UNC13C: variants seen among roughly 807,000 people sequenced by gnomAD.
UNC13C encodes unc-13 homolog C, also known as protein unc-13 homolog C.
In UNC13C, 174 loss-of-function variants were observed where a neutral mutation model predicts 245.4. The ratio of observed to expected loss-of-function variants is 0.71; its 90% CI spans 0.63 to 0.80. UNC13C has a LOEUF of 0.80. Among genes scored for constraint, UNC13C ranks in the 30% least tolerant of loss-of-function variants. The pLI is 0.00. For synonymous variants in UNC13C, 992 were observed against 895.1 expected (o/e 1.11, Z -1.93); for missense variants, 2,829 against 2,602.9 (o/e 1.09, Z -1.89).
chr15:54,099,329 C>T (rs1462313076), intron 2 of UNC13C, among the ~76,000 whole-genome samples: 1 of 152,122 alleles, frequency 6.6e-6, no homozygotes, highest in African/African-American at 2.4e-5. Context: ...TAATTTTCCT[C>T]TGGCTCCAAG....
chr15:54,431,055 A>G (rs1165813861), intron 19 of UNC13C, among the ~76,000 whole-genome samples: 1 of 151,792 alleles, frequency 6.6e-6, no homozygotes, highest in Non-Finnish European at 1.5e-5. Context: ...AAACAAAGTA[A>G]TTTGTTAAGT....
In UNC13C at chr15:54,264,284, A is replaced by G; in HGVS notation, c.3565A>G (p.Ile1189Val). Residue 1189 changes from isoleucine to valine, a missense_variant, in exon 9 of 33, where the codon ATC (isoleucine) becomes GTC (valine). Physicochemically the swap from Ile to Val is conservative, Grantham distance 29. Transcript: ENST00000260323. ...EKNRPEVFEV[I>V]QEMFQISKED... ...AAACCGGCCAGAAGTATTTGAAGTA[A>G]TCCAGGAAATGTTTCAGATTTCTAA... is the stretch of plus-strand genomic sequence containing the variant. 6.2e-7 allele frequency: 1 copy of G among 1,600,538 alleles called. No individual in the cohort carries two copies. Among genetic ancestry groups the G allele is most frequent in the Non-Finnish European group, 8.5e-7 (1 of 1,172,888 alleles).
intron 1 of UNC13C, among the ~76,000 whole-genome samples, chr15:53,996,199 A>G (rs951742042): frequency 7.2e-5 from 11 of 152,176 alleles, no homozygotes; most frequent in Non-Finnish European, 1.3e-4. Flanking sequence ...CAGCAAACAT[A>G]CAGTACTGAA....
At chr15:54,155,784 A>G (rs1453464043) in intron 4 of UNC13C, among the ~76,000 whole-genome samples, 1 of 152,164 alleles carries the variant, frequency 6.6e-6, no homozygotes, top group Non-Finnish European at 1.5e-5. Flanking sequence ...GACTTTATGG[A>G]GAAGGTGGAA....
intron 4 of UNC13C, among the ~76,000 whole-genome samples, chr15:54,146,095 C>T (rs1466848908): frequency 1.3e-5 from 2 of 152,146 alleles, no homozygotes; most frequent in African/African-American, 4.8e-5. Flanking sequence ...GGTACGTTTA[C>T]ATATGAGCCT....
At chr15:54,106,644 C>T (rs548724096) in intron 2 of UNC13C, among the ~76,000 whole-genome samples, 2 of 152,160 alleles carry the variant, frequency 1.3e-5, no homozygotes, top group African/African-American at 4.8e-5. Flanking sequence ...GCCATCTCTT[C>T]TTATCATTTC....
intron 4 of UNC13C, among the ~76,000 whole-genome samples, chr15:54,166,541 A>G (rs1249788583): frequency 1.3e-5 from 2 of 152,128 alleles, no homozygotes; most frequent in Non-Finnish European, 1.5e-5. Context: ...AAAATGGCAC[A>G]AAGATTGGAA....
intron 1 of UNC13C, among the ~76,000 whole-genome samples, chr15:53,984,965 T>C (rs1432277515): frequency 1.3e-5 from 2 of 152,088 alleles, no homozygotes; most frequent in African/African-American, 2.4e-5. Flanking sequence ...CGACTTTCTT[T>C]TTTTTTACTC....
intron 1 of UNC13C, among the ~76,000 whole-genome samples, chr15:53,991,865 G>A (rs779292252): frequency 6.6e-6 from 1 of 151,882 alleles, no homozygotes; most frequent in Non-Finnish European, 1.5e-5. Context: ...TAGATGATAG[G>A]TATCACTGAG....
chr15:54,615,652 T>C (rs940376327), intron 30 of UNC13C, among the ~76,000 whole-genome samples: 3 of 152,098 alleles, frequency 2.0e-5, no homozygotes, highest in Admixed American at 1.3e-4. Context: ...AGATAATGAC[T>C]GTCTACATCT....
chr15:54,593,139 A>T (rs1295794503), intron 30 of UNC13C, among the ~76,000 whole-genome samples: 2 of 152,156 alleles, frequency 1.3e-5, no homozygotes, highest in African/African-American at 2.4e-5. Context: ...TAAGGGCCCA[A>T]TCCCTTTTAG....
At chr15:54,464,430 C>G (rs4776231) in intron 19 of UNC13C, among the ~76,000 whole-genome samples, 4 of 151,768 alleles carry the variant, frequency 2.6e-5, no homozygotes, top group African/African-American at 9.7e-5. Flanking sequence ...TGAAGCATTA[C>G]ATTTTTTTAT....
rs937344022 is a variant in UNC13C, at chr15:53,982,582, C to A, written c.-257+3655C>A. ...TTAAGTGGCACACAACTGAAAAAGT[C>A]TAAATAGTTGCTTTATTAATGAGAA... On this transcript the variant is annotated intron_variant, in intron 1 of 32. Coordinates refer to ENST00000260323, the MANE Select transcript of UNC13C (RefSeq NM_001080534.3). Among the ~76,000 whole-genome samples, 5 of 152,194 alleles carry A rather than the reference C, an allele frequency of 3.3e-5. No individual in the cohort carries two copies. The East Asian group carries it at 9.6e-4, about 29-fold the overall frequency.
chr15:54,145,028 G>A (rs754819894), intron 4 of UNC13C, among the ~76,000 whole-genome samples: 20 of 151,812 alleles, frequency 1.3e-4, no homozygotes, highest in Non-Finnish European at 2.6e-4. Context: ...CTGAGCTCAG[G>A]TGATCCACAC....
At chr15:53,862,783 T>G in the UNC13C span, among the ~76,000 whole-genome samples, 1 of 152,128 alleles carries the variant, frequency 6.6e-6, no homozygotes, top group South Asian at 2.1e-4. Context: ...TAAACCTAAT[T>G]GTCTCTCAAA....
At chr15:53,945,619 C>A in the UNC13C span, among the ~76,000 whole-genome samples, 559 of 152,144 alleles carry the variant, frequency 3.7e-3, 8 homozygotes, top group African/African-American at 0.013. Flanking sequence ...GTTTTTGTAC[C>A]AATACCATGC....
intron 19 of UNC13C, among the ~76,000 whole-genome samples, chr15:54,459,855 A>G (rs544610727): frequency 6.6e-6 from 1 of 151,918 alleles, no homozygotes; most frequent in South Asian, 2.1e-4. Flanking sequence ...CCTCTTGAGT[A>G]GCTAAATAAT....
At chr15:54,399,250 T>C (rs2040132545) in intron 18 of UNC13C, among the ~76,000 whole-genome samples, 1 of 151,674 alleles carries the variant, frequency 6.6e-6, no homozygotes, top group African/African-American at 2.4e-5. Flanking sequence ...TATACAGATA[T>C]TTGGTTACCT....
intron 2 of UNC13C, among the ~76,000 whole-genome samples, chr15:54,091,165 G>C (rs1899552715): frequency 6.6e-6 from 1 of 152,080 alleles, no homozygotes; most frequent in African/African-American, 2.4e-5. Context: ...AGGCTAGTTT[G>C]ATCCTTCTGC....
Sources: allele counts gnomAD v4.1 joint callset (sites outside exome capture counted in the v4.1 genomes callset), GRCh38; gene constraint gnomAD v4.1.1; transcripts MANE v1.5; gene names NCBI Gene and HGNC (gene_info 2026-07-23, HGNC 2026-07-21).